The following FGF14 variants were observed in gnomAD, a reference collection of about 807,000 sequenced individuals.
The protein encoded by FGF14 is fibroblast growth factor 14.
A neutral mutation model predicts 25.5 loss-of-function variants in FGF14; 5 were observed. That is an observed-to-expected ratio of 0.20 (90% CI 0.10 to 0.41). The LOEUF (loss-of-function observed/expected upper bound fraction) is 0.41. FGF14 is among the 10% of genes least tolerant of loss of function. The pLI, the probability that FGF14 is intolerant of heterozygous loss-of-function variation, is 1.00. For missense variants in FGF14, 222 were observed against 320.1 expected (o/e 0.69, Z 2.34); for synonymous variants, 138 against 118.3 (o/e 1.17, Z -1.08).
At chr13:101,947,091 C>G (rs919577636) in intron 1 of FGF14, among the ~76,000 whole-genome samples, 1 of 152,088 alleles carries the variant, frequency 6.6e-6, no homozygotes, top group African/African-American at 2.4e-5. Context: ...GAAAAAAATG[C>G]TCATTATCAC....
intron 1 of FGF14, among the ~76,000 whole-genome samples, chr13:102,232,599 G>A (rs2051134586): frequency 6.6e-6 from 1 of 152,146 alleles, no homozygotes; most frequent in African/African-American, 2.4e-5. Flanking sequence ...AGGTGAAAAT[G>A]TAAGAATTCT....
intron 1 of FGF14, among the ~76,000 whole-genome samples, chr13:102,115,998 T>A (rs546736921): frequency 6.2e-4 from 94 of 152,108 alleles, no homozygotes; most frequent in Admixed American, 1.1e-3. Context: ...TAATTCCAGC[T>A]ACCAAGGAGG....
At chr13:101,800,180 T>C (rs1186414432) in intron 3 of FGF14, among the ~76,000 whole-genome samples, 3 of 152,130 alleles carry the variant, frequency 2.0e-5, no homozygotes, top group Non-Finnish European at 4.4e-5. Flanking sequence ...AGCTGAAAAT[T>C]TATTTCACTT....
chr13:101,979,341 A>C (rs1274671388), intron 1 of FGF14, among the ~76,000 whole-genome samples: 1 of 152,216 alleles, frequency 6.6e-6, no homozygotes, highest in Non-Finnish European at 1.5e-5. Flanking sequence ...GACATTTACT[A>C]TGGCTGTTTA....
intron 1 of FGF14, among the ~76,000 whole-genome samples, 182 bp downstream of exon 1, chr13:101,916,271 C>T (rs1358877640): frequency 1.3e-5 from 2 of 152,244 alleles, no homozygotes; most frequent in African/African-American, 2.4e-5. Context: ...CACTTCTCGG[C>T]GGCTACAGGT....
intron 1 of FGF14, among the ~76,000 whole-genome samples, chr13:102,250,304 C>G (rs2052105047): frequency 6.6e-6 from 1 of 152,210 alleles, no homozygotes; most frequent in African/African-American, 2.4e-5. Flanking sequence ...CAATGTGAAC[C>G]TCCTCTGACC....
intron 1 of FGF14, among the ~76,000 whole-genome samples, chr13:102,262,153 T>C (rs1373629227): frequency 2.0e-5 from 3 of 152,164 alleles, no homozygotes; most frequent in African/African-American, 7.2e-5. Flanking sequence ...CAGCAAGAAA[T>C]ACTTGTACAT....
intron 3 of FGF14, among the ~76,000 whole-genome samples, chr13:101,730,799 C>A (rs1043065920): frequency 2.0e-5 from 3 of 152,172 alleles, no homozygotes; most frequent in African/African-American, 7.2e-5. Context: ...GTGAGGAAAG[C>A]TGGCATGATC....
intron 3 of FGF14, among the ~76,000 whole-genome samples, chr13:101,765,804 A>G (rs1289174600): frequency 6.6e-6 from 1 of 151,948 alleles, no homozygotes; most frequent in African/African-American, 2.4e-5. Flanking sequence ...ATCTCGGCTC[A>G]CTGCAACCTC....
chr13:101,890,850 G>A (rs899139742), intron 1 of FGF14, among the ~76,000 whole-genome samples: 2 of 152,136 alleles, frequency 1.3e-5, no homozygotes, highest in Non-Finnish European at 2.9e-5. Context: ...AGAACTTGAA[G>A]TAGGGGCAAA....
chr13:102,280,679 T>G (rs1220413580), intron 1 of FGF14, among the ~76,000 whole-genome samples: 1 of 152,194 alleles, frequency 6.6e-6, no homozygotes, highest in African/African-American at 2.4e-5. Flanking sequence ...ATGCCTTCTT[T>G]GAATGGTGGT....
At chr13:102,104,895 T>C (rs2044832436) in intron 1 of FGF14, among the ~76,000 whole-genome samples, 1 of 152,100 alleles carries the variant, frequency 6.6e-6, no homozygotes, top group Non-Finnish European at 1.5e-5. Context: ...ATCCTTGCAG[T>C]AGTGCCCTAT....
chr13:101,878,500 TA>T (rs2045521604), intron 1 of FGF14, among the ~76,000 whole-genome samples: 1 of 152,318 alleles, frequency 6.6e-6, no homozygotes, highest in Admixed American at 6.5e-5. Flanking sequence ...CTAGTTTACC[TA>T]AAGTTAGAAT....
chr13:102,137,296 G>A (rs2140439249), intron 1 of FGF14, among the ~76,000 whole-genome samples: 1 of 152,346 alleles, frequency 6.6e-6, no homozygotes, highest in South Asian at 2.1e-4. Flanking sequence ...TGACTAAATA[G>A]TGTTTATTGA....
intron 1 of FGF14, among the ~76,000 whole-genome samples, chr13:102,066,635 A>C (rs375781716): frequency 5.3e-5 from 8 of 152,184 alleles, no homozygotes; most frequent in African/African-American, 1.9e-4. Context: ...ACATTCAAAC[A>C]GTGTTTCCAA....
At chr13:102,393,104 C>T (rs1339909857) in intron 1 of FGF14, among the ~76,000 whole-genome samples, 1 of 152,206 alleles carries the variant, frequency 6.6e-6, no homozygotes, top group Non-Finnish European at 1.5e-5. Flanking sequence ...CTAACCAGTG[C>T]CTTTACCACG....
At chr13:101,799,781 T>G (rs1444736340) in intron 3 of FGF14, among the ~76,000 whole-genome samples, 1 of 151,964 alleles carries the variant, frequency 6.6e-6, no homozygotes, top group East Asian at 1.9e-4. Context: ...GTGATACAAA[T>G]GAACATTAGG....
intron 1 of FGF14, among the ~76,000 whole-genome samples, chr13:102,200,886 A>C (rs932415077): frequency 1.3e-5 from 2 of 151,988 alleles, no homozygotes; most frequent in Non-Finnish European, 2.9e-5. Context: ...GCGGATCATG[A>C]GGTCGGGAGA....
At chr13:102,318,069 A>G (rs2056101446) in intron 1 of FGF14, among the ~76,000 whole-genome samples, 1 of 152,164 alleles carries the variant, frequency 6.6e-6, no homozygotes, top group African/African-American at 2.4e-5. Context: ...AAAAACTGAT[A>G]ATGGTATCTG....
Sources: allele counts gnomAD v4.1 joint callset (sites outside exome capture counted in the v4.1 genomes callset), GRCh38; gene constraint gnomAD v4.1.1; transcripts MANE v1.5; gene names NCBI Gene and HGNC (gene_info 2026-07-23, HGNC 2026-07-21).